The following SLC8A1 variants were observed in gnomAD, a reference collection of about 807,000 sequenced individuals.
SLC8A1 encodes the protein solute carrier family 8 member A1, also known as sodium/calcium exchanger 1.
A neutral mutation model predicts 68.3 loss-of-function variants in SLC8A1; 18 were observed. That is an observed-to-expected ratio of 0.26 (90% confidence interval 0.18 to 0.39). SLC8A1 has a LOEUF of 0.39. SLC8A1 is among the 10% of genes least tolerant of loss of function. SLC8A1 has a pLI of 1.00. For missense variants in SLC8A1, 985 were observed against 1,156.7 expected (o/e 0.85, Z 2.15); for synonymous variants, 475 against 415.5 (o/e 1.14, Z -1.74).
At chr2:40,151,326 T>C (rs1013471435) in intron 6 of SLC8A1, among the ~76,000 whole-genome samples, 4 of 152,138 alleles carry the variant, frequency 2.6e-5, no homozygotes, top group African/African-American at 4.8e-5. Flanking sequence ...AGACACAGTA[T>C]GATGATGTCT....
chr2:40,314,759 G>T (rs2074216461), intron 2 of SLC8A1, among the ~76,000 whole-genome samples: 1 of 151,908 alleles, frequency 6.6e-6, no homozygotes, highest in Non-Finnish European at 1.5e-5. Context: ...TATTTTTGAT[G>T]ACATTGTAAA....
At chr2:40,508,242 TG>T (rs1224893681) in intron 1 of SLC8A1, among the ~76,000 whole-genome samples, 1 of 151,928 alleles carries the variant, frequency 6.6e-6, no homozygotes, top group Non-Finnish European at 1.5e-5. Flanking sequence ...CTAAAACACC[TG>T]GTTCAGAAAA....
chr2:40,099,750 T>C (rs2033786986), exon 8 of SLC8A1: 1 of 152,016 alleles, frequency 6.6e-6, no homozygotes, highest in African/African-American at 2.4e-5. Flanking sequence ...ATGAGTTCAG[T>C]TTACTATCAA....
chr2:40,407,556 A>T (rs549750838), intron 2 of SLC8A1, among the ~76,000 whole-genome samples: 2 of 152,264 alleles, frequency 1.3e-5, no homozygotes, highest in Non-Finnish European at 2.9e-5. Context: ...CACCTCAGTG[A>T]ACAGCCTTTC....
intron 2 of SLC8A1, among the ~76,000 whole-genome samples, chr2:40,388,311 C>T (rs913843439): frequency 6.6e-6 from 1 of 152,116 alleles, no homozygotes; most frequent in Admixed American, 6.6e-5. Flanking sequence ...CCCCGTGAAA[C>T]ATAAGATATA....
chr2:40,418,707 A>C (rs563869767), intron 2 of SLC8A1, among the ~76,000 whole-genome samples: 2 of 152,312 alleles, frequency 1.3e-5, no homozygotes, highest in South Asian at 2.1e-4. Flanking sequence ...TCCCTATTTC[A>C]CATTCTTCTG....
chr2:40,337,264 A>G, intron 2 of SLC8A1: 1 of 309,850 alleles, frequency 3.2e-6, no homozygotes. Context: ...CATCAAATGT[A>G]GTATTTTCTT....
At chr2:40,250,813 T>A (rs1170704099) in intron 2 of SLC8A1, 1 of 152,204 alleles carries the variant, frequency 6.6e-6, no homozygotes, top group Non-Finnish European at 1.5e-5. Flanking sequence ...CAGTGTACTT[T>A]AGCACAATAT....
chr2:40,337,245 A>G (rs1199216840), intron 2 of SLC8A1: 2 of 288,680 alleles, frequency 6.9e-6, no homozygotes, highest in Admixed American at 6.7e-5. Flanking sequence ...TGGTATTTTG[A>G]TATTTATACA....
intron 2 of SLC8A1, chr2:40,251,373 CTTCAT>C (rs1266440315): frequency 1.3e-5 from 2 of 152,056 alleles, no homozygotes; most frequent in Non-Finnish European, 2.9e-5. Flanking sequence ...TGGAAAATCT[CTTCAT>C]TGTTGTGTGG....
At chr2:40,478,665 A>G (rs142261064) in intron 1 of SLC8A1, among the ~76,000 whole-genome samples, 28 of 152,274 alleles carry the variant, frequency 1.8e-4, no homozygotes, top group African/African-American at 6.7e-4. Context: ...AAAATCTCTC[A>G]TAGACCTAAG....
At chr2:40,186,817 C>T (rs1478512044) in intron 2 of SLC8A1, among the ~76,000 whole-genome samples, 1 of 152,150 alleles carries the variant, frequency 6.6e-6, no homozygotes, top group Non-Finnish European at 1.5e-5. Flanking sequence ...ACTTACTTCA[C>T]AGTGATTATG....
intron 6 of SLC8A1, among the ~76,000 whole-genome samples, chr2:40,152,281 A>C (rs2043579514): frequency 6.6e-6 from 1 of 152,206 alleles, no homozygotes. Context: ...CAACCTTCCA[A>C]TATATAGTTG....
intron 1 of SLC8A1, among the ~76,000 whole-genome samples, chr2:40,451,380 C>T (rs572809915): frequency 6.6e-6 from 1 of 152,184 alleles, no homozygotes; most frequent in Non-Finnish European, 1.5e-5. Context: ...CTCCGCAGTC[C>T]GTGGTGAATG....
intron 2 of SLC8A1, among the ~76,000 whole-genome samples, chr2:40,393,213 AAT>A (rs765354643): frequency 4.7e-5 from 7 of 148,938 alleles, no homozygotes; most frequent in Non-Finnish European, 8.9e-5. Context: ...TTTTTCTGAA[AAT>A]TCCGAAAGTA....
At chr2:40,321,333 T>G (rs113475614) in intron 2 of SLC8A1, among the ~76,000 whole-genome samples, 12 of 152,262 alleles carry the variant, frequency 7.9e-5, no homozygotes, top group Non-Finnish European at 1.6e-4. Flanking sequence ...AGTATAACCA[T>G]GTATATCATT....
intron 2 of SLC8A1, among the ~76,000 whole-genome samples, chr2:40,321,040 T>C (rs572122285): frequency 1.6e-4 from 25 of 152,252 alleles, no homozygotes; most frequent in Middle Eastern, 3.4e-3. Context: ...ACTCCCTGAA[T>C]TGGGAGCTAA....
rs1330495820 is a variant in SLC8A1, at chr2:40,313,335, C to T, written c.1808+115138G>A. The stretch of plus-strand genomic sequence containing the variant: ...GTATGGAAATGGTATAATTTGATTA[C>T]TTATTCACTTGCTAATAGATATCTA... On this transcript the variant is annotated intron_variant, in intron 2 of 7. Transcript: ENST00000406785. 2.0e-5 allele frequency among the ~76,000 whole-genome samples: 3 copies of T among 152,026 alleles called. No individual in the cohort carries two copies. The East Asian group carries it at 5.8e-4, about 29-fold the overall frequency.
chr2:40,225,167 C>T (rs974267150), intron 2 of SLC8A1, among the ~76,000 whole-genome samples: 40 of 152,262 alleles, frequency 2.6e-4, no homozygotes, highest in African/African-American at 9.4e-4. Context: ...AATCTACTTA[C>T]TGTCAGCAGG....
Sources: gnomAD v4.1 joint callset for allele counts (sites outside exome capture counted in the v4.1 genomes callset) on GRCh38, gnomAD v4.1.1 for gene constraint, MANE v1.5 for transcripts, NCBI Gene and HGNC (gene_info 2026-07-23, HGNC 2026-07-21) for gene names.